Variants in LGR6 observed in about 807,000 individuals in gnomAD.
LGR6 encodes the protein leucine-rich repeat-containing G protein-coupled receptor 6.
Under a neutral mutation model 69.4 loss-of-function variants are expected in LGR6, and 45 were observed. That is an observed-to-expected ratio of 0.65 (90% CI 0.51 to 0.83). The LOEUF (loss-of-function observed/expected upper bound fraction) is 0.83. Among genes scored for constraint, LGR6 ranks in the 40% least tolerant of loss-of-function variants. The probability of loss-of-function intolerance (pLI) is 0.00; values close to 1 mark genes in which losing one functional copy is unlikely to be tolerated. For synonymous variants in LGR6, 538 were observed against 555.0 expected (o/e 0.97, Z 0.43); for missense variants, 1,108 against 1,246.7 (o/e 0.89, Z 1.68).
intron 4 of LGR6, among the ~76,000 whole-genome samples, chr1:202,267,069 C>T (rs930510242): frequency 6.6e-6 from 1 of 152,152 alleles, no homozygotes; most frequent in African/African-American, 2.4e-5. Context: ...TGGCATGTGT[C>T]AGTTAAAATA....
intron 1 of LGR6, among the ~76,000 whole-genome samples, chr1:202,211,414 T>G (rs1659458152): frequency 6.6e-6 from 1 of 152,204 alleles, no homozygotes; most frequent in Admixed American, 6.5e-5. Context: ...AGTGCAGTGG[T>G]GTGATCTTGG....
chr1:202,303,625 G>T (rs1667767529), intron 10 of LGR6, among the ~76,000 whole-genome samples: 1 of 152,206 alleles, frequency 6.6e-6, no homozygotes, highest in African/African-American at 2.4e-5. Flanking sequence ...CCAAGCCACA[G>T]GTACACTGAG....
chr1:202,197,310 G>C, intron 1 of LGR6: 1 of 484,628 alleles, frequency 2.1e-6, no homozygotes, highest in Non-Finnish European at 4.2e-6. Flanking sequence ...TCTTTGCCTT[G>C]ACACACATGT....
At chr1:202,251,005 AG>A (rs928981574) in intron 4 of LGR6, among the ~76,000 whole-genome samples, 1 of 152,156 alleles carries the variant, frequency 6.6e-6, no homozygotes, top group African/African-American at 2.4e-5. Context: ...CTGGGGGAGA[AG>A]GGCCCTGCCC....
intron 3 of LGR6, 121 bp downstream of exon 3, chr1:202,228,128 C>G (rs1339770614): frequency 1.6e-6 from 1 of 625,218 alleles, no homozygotes; most frequent in African/African-American, 1.8e-5. Flanking sequence ...CTTATCTTCA[C>G]TTTCAGTTTC....
chr1:202,239,342 GTGGTGTGTGTGT>G (rs1197444601), intron 4 of LGR6, among the ~76,000 whole-genome samples: 3 of 106,506 alleles, frequency 2.8e-5, no homozygotes, highest in Non-Finnish European at 5.7e-5. Context: ...TTGTGTGTGT[GTGGTGTGTGTGT>G]GTGTGTGTGT....
intron 3 of LGR6, among the ~76,000 whole-genome samples, chr1:202,233,398 C>T (rs931055289): frequency 1.3e-5 from 2 of 152,134 alleles, no homozygotes; most frequent in Non-Finnish European, 2.9e-5. Flanking sequence ...GCCTGCGACC[C>T]CCTGTTTTCT....
At chr1:202,249,131 C>G (rs80281665) in intron 4 of LGR6, among the ~76,000 whole-genome samples, 18,047 of 152,264 alleles carry the variant, frequency 0.12, 1,160 homozygotes, top group Middle Eastern at 0.23. Flanking sequence ...CTCTCTCCTC[C>G]CCTTCACAGT....
At chr1:202,270,307 A>C (rs1262746137) in intron 4 of LGR6, among the ~76,000 whole-genome samples, 1 of 151,322 alleles carries the variant, frequency 6.6e-6, no homozygotes, top group Non-Finnish European at 1.5e-5. Flanking sequence ...CAATGGCGCG[A>C]TCTCGGCTCA....
rs77623639 is a variant in LGR6, at chr1:202,203,835, T to C, written c.212+9634T>C. 3,596 of 1,613,762 alleles carry C rather than the reference T, an allele frequency of 2.2e-3. 66 individuals are homozygous for C. The African/African-American group carries it at 0.04, about 18-fold the overall frequency. On this transcript the variant is annotated intron_variant, in intron 1 of 17. Transcript: ENST00000367278. ...AGGCCAAGGAATGGGAAGACCAAGG[T>C]TGACACTTGTTTGTCAAGTGTCAAT...
rs1658524827 is a variant in LGR6 at position 202,193,816 on chromosome 1, CCT to C, written c.-169_-168del. On this transcript the variant is annotated 5_prime_UTR_variant, in exon 1 of 18. The change abolishes the stop of an existing upstream ORF in the 5' untranslated region. Transcript: ENST00000367278. The stretch of plus-strand genomic sequence containing the variant: ...CGAAGATCACTCAACAATGCCTGCC[CCT>C]CTCTGACTGCACCGTCCCGGCGCTC... 1 of 304,264 alleles carries C rather than the reference CCT, an allele frequency of 3.3e-6. No homozygotes were observed. The highest frequency in any genetic ancestry group is 6.0e-6 in the Non-Finnish European group (1 of 167,634). 18.8% of individuals were successfully genotyped at this position (304,264 alleles called of 1,614,324 possible).
intron 17 of LGR6, among the ~76,000 whole-genome samples, chr1:202,315,497 A>G (rs1654076043): frequency 6.6e-6 from 1 of 152,274 alleles, no homozygotes; most frequent in African/African-American, 2.4e-5. Context: ...GTGCAATTCA[A>G]CTTGAGACAT....
At chr1:202,305,882 T>C in intron 12 of LGR6, 133 bp downstream of exon 12, 1 of 777,276 alleles carries the variant, frequency 1.3e-6, no homozygotes, top group Non-Finnish European at 2.2e-6. Flanking sequence ...TTTCTGAGTT[T>C]GTTTAACCCA....
chr1:202,307,040 G>A, intron 13 of LGR6, 101 bp downstream of exon 13: 1 of 1,040,554 alleles, frequency 9.6e-7, no homozygotes, highest in Admixed American at 1.8e-5. Context: ...AAGCAAATGT[G>A]ACATGCACAT....
intron 4 of LGR6, among the ~76,000 whole-genome samples, chr1:202,258,722 C>G (rs1296374131): frequency 6.6e-6 from 1 of 151,886 alleles, no homozygotes; most frequent in Non-Finnish European, 1.5e-5. Context: ...AATCTTAAGG[C>G]TTTATCATTG....
intron 7 of LGR6, among the ~76,000 whole-genome samples, chr1:202,299,759 T>A (rs1363535370): frequency 2.0e-5 from 3 of 151,898 alleles, no homozygotes; most frequent in African/African-American, 7.3e-5. Flanking sequence ...ACGATGGGGA[T>A]GGCAGGAGGA....
intron 2 of LGR6, among the ~76,000 whole-genome samples, chr1:202,225,737 C>G (rs529374391): frequency 6.6e-6 from 1 of 152,224 alleles, no homozygotes; most frequent in South Asian, 2.1e-4. Context: ...CTCCTCTTTG[C>G]AGCATTCCCT....
At chr1:202,198,287 A>G (rs1475486025) in intron 1 of LGR6, among the ~76,000 whole-genome samples, 1 of 152,204 alleles carries the variant, frequency 6.6e-6, no homozygotes, top group Non-Finnish European at 1.5e-5. Context: ...TCACTTACTA[A>G]CTATGTAACC....
chr1:202,312,849 T>C (rs1190648677), intron 16 of LGR6, among the ~76,000 whole-genome samples: 1 of 152,160 alleles, frequency 6.6e-6, no homozygotes, highest in Non-Finnish European at 1.5e-5. Flanking sequence ...AAAATTCGTA[T>C]AGAATTTGTG....
Sources: allele counts gnomAD v4.1 joint callset (sites outside exome capture counted in the v4.1 genomes callset), GRCh38; gene constraint gnomAD v4.1.1; transcripts MANE v1.5; gene names NCBI Gene and HGNC (gene_info 2026-07-23, HGNC 2026-07-21).